The following NCAPD3 variants were observed in gnomAD, a reference collection of about 807,000 sequenced individuals.
The protein encoded by NCAPD3 is non-SMC condensin II complex subunit D3, also known as condensin-2 complex subunit D3.
A neutral mutation model predicts 182.9 loss-of-function variants in NCAPD3; 105 were observed. That is an observed-to-expected ratio of 0.57 (90% CI 0.49 to 0.68). NCAPD3 has a LOEUF of 0.68. Among genes scored for constraint, NCAPD3 ranks in the 30% least tolerant of loss-of-function variants. The pLI is 0.00. For missense variants in NCAPD3, 1,944 were observed against 1,837.0 expected, an observed-to-expected ratio of 1.06 and a Z score of -1.07; for synonymous variants, 815 against 679.9, an observed-to-expected ratio of 1.20 and a Z score of -3.09.
intron 27 of NCAPD3, among the ~76,000 whole-genome samples, chr11:134,165,414 TA>T (rs1487096241): frequency 2.8e-5 from 4 of 141,682 alleles, no homozygotes; most frequent in African/African-American, 1.1e-4. Flanking sequence ...GAGATGAGCT[TA>T]GGGGAAGAAG....
At chr11:134,208,153 A>G (rs1256130718) in intron 7 of NCAPD3, among the ~76,000 whole-genome samples, 1 of 152,188 alleles carries the variant, frequency 6.6e-6, no homozygotes, top group Non-Finnish European at 1.5e-5. Flanking sequence ...GCATCCCCAA[A>G]AATATCTTCG....
At chr11:134,167,867 G>C in intron 27 of NCAPD3, 129 bp downstream of exon 27, 1 of 922,914 alleles carries the variant, frequency 1.1e-6, no homozygotes, top group African/African-American at 1.7e-5. Context: ...ACACTCGTGA[G>C]ATGAGCTTGG....
chr11:134,176,203 C>T (rs1043780257), intron 24 of NCAPD3, 104 bp downstream of exon 24: 3 of 1,025,642 alleles, frequency 2.9e-6, no homozygotes, highest in Admixed American at 4.6e-5. Context: ...CGAAAGCTCA[C>T]TAAATCCTAC....
At chr11:134,164,874 TACTC>T (rs767827360) in intron 27 of NCAPD3, among the ~76,000 whole-genome samples, 32 of 138,038 alleles carry the variant, frequency 2.3e-4, no homozygotes, top group South Asian at 4.8e-4. Context: ...GGGAGCTACA[TACTC>T]ACTTGTGACA....
chr11:134,220,692 T>G lies in NCAPD3; in HGVS notation c.99A>C (p.Thr33=), dbSNP rs141421390. ...TGCTGGGATCCAAAGGCTCAGTCTC[T>G]GTGAAATCCAGTTCCCACACTGTGT... The part of the protein sequence containing the change: ...WVDTVWELDF[T]ETEPLDPSIE... Residue 33 remains threonine (T), a synonymous_variant, in exon 2 of 35, where the codon ACA becomes ACC. Transcript: ENST00000534548. The G allele has an allele frequency of 1.9e-6, 3 of 1,613,958 alleles. No homozygotes were observed. The highest frequency in any genetic ancestry group is 8.5e-7 in the Non-Finnish European group (1 of 1,179,948).
rs2136010173 is a variant in NCAPD3, at chr11:134,202,854, A to G, written c.1577T>C (p.Ile526Thr). ...TGTTTCACCACTGCTGTCTATGTTG[A>G]TCTCCCCTGAGGGTTCGGAACGGTT... ...TSNRSEPSGE[I>T]NIDSSGETVG... is the part of the protein sequence containing the mutation. The change falls in exon 13 of 35, where the codon ATC (isoleucine) becomes ACC (threonine). Residue 526 changes from isoleucine to threonine, a missense_variant. Coordinates refer to ENST00000534548, the MANE Select transcript of NCAPD3 (RefSeq NM_015261.3). 2 of 1,609,162 alleles carry G rather than the reference A, an allele frequency of 1.2e-6. No individual in the cohort carries two copies. The highest frequency in any genetic ancestry group is 1.7e-6 in the Non-Finnish European group (2 of 1,178,872).
In NCAPD3 at chr11:134,209,133, T is replaced by G. The variant is rs2136018775; in HGVS notation, c.794+12A>C. 1.9e-6 allele frequency: 3 copies of G among 1,610,606 alleles called. No individual in the cohort carries two copies. The highest frequency in any genetic ancestry group is 2.5e-6 in the Non-Finnish European group (3 of 1,178,226). Reference sequence around the variant, plus strand: ...TACTTAAATTGTAGCACTGGAAGATTTAATGGCTCACCTGGCTTGTGTAAC... The same window carrying G: ...TACTTAAATTGTAGCACTGGAAGATGTAATGGCTCACCTGGCTTGTGTAAC... On this transcript the variant is annotated intron_variant, in intron 6 of 34. Transcript: ENST00000534548.
chr11:134,171,534 C>T (rs1944006300), intron 24 of NCAPD3, among the ~76,000 whole-genome samples: 1 of 152,150 alleles, frequency 6.6e-6, no homozygotes, highest in African/African-American at 2.4e-5. Flanking sequence ...CCTGACCTGG[C>T]CTACAACACA....
chr11:134,202,921 T>C lies in NCAPD3; in HGVS notation c.1526-16A>G. 1 of 1,571,556 alleles carries C rather than the reference T, an allele frequency of 6.4e-7. No homozygotes were observed. The highest frequency in any genetic ancestry group is 8.7e-7 in the Non-Finnish European group (1 of 1,153,224). On this transcript the variant is annotated splice_polypyrimidine_tract_variant and intron_variant, in intron 12 of 34. Coordinates refer to ENST00000534548, the MANE Select transcript of NCAPD3 (RefSeq NM_015261.3). ...TAGGAAAAAGCTTTAAAAAAAAAAT[T>C]ACAGTCATTAAGCTAAAAATGTGTT... is the stretch of plus-strand genomic sequence containing the variant.
At chr11:134,203,553 C>G in intron 11 of NCAPD3, 101 bp downstream of exon 11, 1 of 1,445,150 alleles carries the variant, frequency 6.9e-7, no homozygotes, top group African/African-American at 1.4e-5. Context: ...ATAGATCATG[C>G]CATACCTATT....
intron 8 of NCAPD3, 95 bp downstream of exon 8, chr11:134,206,504 A>G: frequency 6.6e-7 from 1 of 1,517,432 alleles, no homozygotes; most frequent in East Asian, 2.3e-5. Flanking sequence ...ATCAGGCCAG[A>G]AATTTTAAGT....
At chr11:134,160,279 G>A (rs555834444) in intron 28 of NCAPD3, among the ~76,000 whole-genome samples, 1 of 152,282 alleles carries the variant, frequency 6.6e-6, no homozygotes, top group Non-Finnish European at 1.5e-5. Context: ...TGACATTACT[G>A]AAAGCAGATG....
At chr11:134,208,778 A>C in intron 7 of NCAPD3, 86 bp downstream of exon 7, 1 of 859,124 alleles carries the variant, frequency 1.2e-6, no homozygotes, top group Non-Finnish European at 1.9e-6. Context: ...ATGGCATTAT[A>C]TCAAATGCTT....
At chr11:134,153,394 A>G (rs1340382583) in intron 32 of NCAPD3, 31 bp from the exon 33 acceptor site, 1 of 1,608,580 alleles carries the variant, frequency 6.2e-7, no homozygotes, top group African/African-American at 1.3e-5. Flanking sequence ...ACTGAGTGAA[A>G]GCCGCGTGGT....
intron 24 of NCAPD3, chr11:134,173,586 G>T: frequency 6.6e-6 from 1 of 152,660 alleles, no homozygotes; most frequent in East Asian, 1.9e-4. Flanking sequence ...GCCTGCACAG[G>T]GCTCCTCATT....
rs1281845760 is a variant in NCAPD3 at position 134,192,891 on chromosome 11, G to T, written c.1843C>A (p.Gln615Lys). 6.2e-7 allele frequency: 1 copy of T among 1,607,998 alleles called. No homozygotes were observed. The highest frequency in any genetic ancestry group is 1.1e-5 in the South Asian group (1 of 90,976). The change falls in exon 16 of 35, where the codon CAG (glutamine) becomes AAG (lysine). Residue 615 changes from glutamine (Q) to lysine (K), a missense_variant. Around this residue, in one of 3 missense-constraint regions of NCAPD3, gnomAD observed 1,803 missense variants for 1,674.6 expected, o/e 1.08. Coordinates refer to ENST00000534548, the MANE Select transcript of NCAPD3 (RefSeq NM_015261.3). ...ELLMAQPRCV[Q>K]IQKAWLRGVV... ...CCCCGCAACCAGGCTTTCTGGATCTGCACGCATCTAGGCTGAGCCTTAGGA... is the reference window on the plus strand; with the variant it reads ...CCCCGCAACCAGGCTTTCTGGATCTTCACGCATCTAGGCTGAGCCTTAGGA...
Position 134,184,658 on chromosome 11 carries a change from T to C in NCAPD3, c.2430A>G (p.Ala810=). The change falls in exon 19 of 35, where the codon GCA becomes GCG. Residue 810 remains alanine (A), a synonymous_variant. Transcript: ENST00000534548. ...DALQRLCRAS[A]ETPAEEQELL... The stretch of plus-strand genomic sequence containing the variant: ...ATACCTGCTCCTCTGCTGGTGTCTC[T>C]GCAGATGCTCTACAAAGCCTCTGCA... 2 of 1,612,820 alleles carry C rather than the reference T, an allele frequency of 1.2e-6. No homozygotes were observed. The highest frequency in any genetic ancestry group is 2.2e-5 in the East Asian group (1 of 44,876).
In NCAPD3 at chr11:134,168,068, G is replaced by A; in HGVS notation, c.3501C>T (p.Leu1167=). The A allele has an allele frequency of 2.5e-6, 4 of 1,614,158 alleles. No individual in the cohort carries two copies. Among genetic ancestry groups the A allele is most frequent in the South Asian group, 1.1e-5 (1 of 91,090 alleles). ...AGGCCATGTCATCTTCTTCCATAAG[G>A]AGGTCTTTGTCTGGTTTAGATCTCA... ...LAMRSKPDKD[L]LMEEDDMALA... The change falls in exon 27 of 35, where the codon CTC becomes CTT. Residue 1167 remains leucine (L), a synonymous_variant. Transcript: ENST00000534548.
At chr11:134,153,985 G>T (rs969739878) in intron 32 of NCAPD3, 1 of 156,474 alleles carries the variant, frequency 6.4e-6, no homozygotes, top group Admixed American at 6.2e-5. Flanking sequence ...TTGCCCTCAG[G>T]AACAGGAGAA....
Sources: allele counts gnomAD v4.1 joint callset (sites outside exome capture counted in the v4.1 genomes callset), GRCh38; gene constraint gnomAD v4.1.1; regional missense constraint gnomAD v4.1.1; transcripts MANE v1.5; gene names NCBI Gene and HGNC (gene_info 2026-07-23, HGNC 2026-07-21).